Variants in PRRC2B observed in about 807,000 individuals in gnomAD.
The protein encoded by PRRC2B is protein PRRC2B.
PRRC2B carries 68 observed loss-of-function variants against 242.3 expected under a neutral mutation model. The observed-to-expected ratio is 0.28, with a 90% CI of 0.23 to 0.34. PRRC2B has a LOEUF of 0.34. Among genes scored for constraint, PRRC2B ranks in the 10% least tolerant of loss-of-function variants. The pLI is 1.00. For synonymous variants in PRRC2B, 1,228 were observed against 1,173.6 expected (o/e 1.05, Z -0.95); for missense variants, 2,835 against 2,954.8 (o/e 0.96, Z 0.94).
At chr9:131,481,876 C>A in intron 20 of PRRC2B, 68 bp downstream of exon 20, 1 of 1,414,786 alleles carries the variant, frequency 7.1e-7, no homozygotes, top group Non-Finnish European at 9.7e-7. Context: ...ACCATCCACA[C>A]GGCCAGCTTG....
At chr9:131,434,319 A>G (rs1290130372) in intron 3 of PRRC2B, among the ~76,000 whole-genome samples, 1 of 152,262 alleles carries the variant, frequency 6.6e-6, no homozygotes, top group East Asian at 1.9e-4. Flanking sequence ...AGAGAGGACA[A>G]AGCATTACTC....
Position 131,475,471 on chromosome 9 carries a change from G to A in PRRC2B, c.3342G>A (p.Glu1114=), listed in dbSNP as rs1224214105. 6.3e-7 allele frequency: 1 copy of A among 1,590,806 alleles called. No individual in the cohort carries two copies. The highest frequency in any genetic ancestry group is 8.6e-7 in the Non-Finnish European group (1 of 1,168,302). ...GCGGCCGTGGCCGGGGCCTGCGAGA[G>A]TTTGCGCGGCCAGAGGACTGCCCCA... ...QRSGRGRGLR[E]FARPEDCPRA... The change falls in exon 16 of 32, where the codon GAG becomes GAA. Residue 1114 remains glutamate, a synonymous_variant. Transcript: ENST00000683519.
intron 1 of PRRC2B, among the ~76,000 whole-genome samples, chr9:131,375,182 C>A (rs545069535): frequency 2.2e-4 from 34 of 152,288 alleles, no homozygotes; most frequent in Non-Finnish European, 4.4e-4. Context: ...GCGGGTGGAT[C>A]ACGACGTCAG....
Position 131,465,025 on chromosome 9 carries a change from C to T in PRRC2B, c.1667C>T (p.Ser556Phe). 6.2e-7 allele frequency: 1 copy of T among 1,613,978 alleles called. No homozygotes were observed. Among genetic ancestry groups the T allele is most frequent in the East Asian group, 2.2e-5 (1 of 44,880 alleles). The change falls in exon 12 of 32, where the codon TCT becomes TTT. Residue 556 changes from serine to phenylalanine, a missense_variant. By Grantham distance (155) the Ser-to-Phe change is radical. Around this residue, in one of 7 missense-constraint regions of PRRC2B, gnomAD observed 1,536 missense variants for 1,483.1 expected, o/e 1.04. Transcript: ENST00000683519. ...RKQAEKEVPWSPSAEKASPQE... is the reference protein window; with the variant it reads ...RKQAEKEVPWFPSAEKASPQE... ...CAGGCAGAGAAGGAAGTGCCCTGGT[C>T]TCCAAGTGCTGAGAAGGCATCTCCC...
chr9:131,433,329 G>C (rs1403390603), intron 3 of PRRC2B, among the ~76,000 whole-genome samples: 1 of 152,186 alleles, frequency 6.6e-6, no homozygotes, highest in Non-Finnish European at 1.5e-5. Flanking sequence ...AATCCTCCAG[G>C]ATCACTGTAC....
At chr9:131,425,255 G>C (rs1292471995) in intron 1 of PRRC2B, among the ~76,000 whole-genome samples, 1 of 152,090 alleles carries the variant, frequency 6.6e-6, no homozygotes, top group Non-Finnish European at 1.5e-5. Flanking sequence ...CAAAGTGCTG[G>C]GATTACAGGC....
intron 10 of PRRC2B, among the ~76,000 whole-genome samples, chr9:131,458,842 G>A (rs1381594013): frequency 1.3e-5 from 2 of 152,160 alleles, no homozygotes. Flanking sequence ...AATTTGTGTT[G>A]CGCTGCATCC....
intron 1 of PRRC2B, among the ~76,000 whole-genome samples, chr9:131,417,408 G>A (rs535403632): frequency 6.6e-6 from 1 of 152,118 alleles, no homozygotes; most frequent in African/African-American, 2.4e-5. Flanking sequence ...GGAGGGAAGG[G>A]GCCGTAGGTG....
chr9:131,482,816 A>C lies in PRRC2B; in HGVS notation c.5282A>C (p.Gln1761Pro). 6.2e-7 allele frequency: 1 copy of C among 1,609,718 alleles called. No homozygotes were observed. The highest frequency in any genetic ancestry group is 8.5e-7 in the Non-Finnish European group (1 of 1,178,010). ...RKGSEGAERL[Q>P]GAVVPPVNGV... is the part of the protein sequence containing the mutation. The stretch of plus-strand genomic sequence containing the variant: ...GGCTCGGAGGGGGCCGAGCGGCTGC[A>C]AGGGGCTGTCGTCCCGCCTGTTAAC... The change falls in exon 22 of 32, where the codon CAA becomes CCA. Residue 1761 changes from glutamine (Q) to proline (P), a missense_variant. By Grantham distance (76) the Gln-to-Pro change is moderately conservative. Transcript: ENST00000683519. The surrounding 1 kb of genome is among the most constrained non-coding windows in gnomAD (Gnocchi z 5.2).
chr9:131,470,076 C>G (rs1194557845), intron 13 of PRRC2B, among the ~76,000 whole-genome samples: 5 of 152,118 alleles, frequency 3.3e-5, no homozygotes, highest in African/African-American at 4.8e-5. Context: ...GGAAGAGGCG[C>G]TTACCTAGGG....
chr9:131,376,528 G>C (rs1391692006), intron 1 of PRRC2B, among the ~76,000 whole-genome samples: 3 of 152,092 alleles, frequency 2.0e-5, no homozygotes, highest in Admixed American at 6.6e-5. Flanking sequence ...CCAGCCCCCT[G>C]TGTAGTTAGA....
intron 31 of PRRC2B, 143 bp from the exon 32 acceptor site, chr9:131,495,597 A>T: frequency 1.1e-6 from 1 of 895,664 alleles, no homozygotes; most frequent in South Asian, 1.7e-5. Flanking sequence ...GGGGTTTCTA[A>T]GTCTGGTCCT....
chr9:131,454,837 T>C (rs374058064), intron 9 of PRRC2B, among the ~76,000 whole-genome samples: 177 of 152,198 alleles, frequency 1.2e-3, no homozygotes, highest in African/African-American at 4.0e-3. Flanking sequence ...GGTTTCACCA[T>C]GTTGGTCAGG....
intron 2 of PRRC2B, among the ~76,000 whole-genome samples, chr9:131,430,742 G>A (rs1327938202): frequency 6.6e-6 from 1 of 151,626 alleles, no homozygotes; most frequent in African/African-American, 2.4e-5. Context: ...ACAGATGTGT[G>A]CCACCACGCC....
upstream of PRRC2B, among the ~76,000 whole-genome samples, chr9:131,393,941 C>G (rs1161994773): frequency 2.7e-5 from 4 of 150,916 alleles, no homozygotes; most frequent in African/African-American, 9.7e-5. Context: ...GCCCCCGGGC[C>G]GATCCCAAGG....
In PRRC2B at chr9:131,487,551, C is replaced by T. The variant is rs923936199; in HGVS notation, c.5984+257C>T. Among the ~76,000 whole-genome samples the T allele has an allele frequency of 6.6e-6, 1 of 152,216 alleles. No homozygotes were observed. Among genetic ancestry groups the T allele is most frequent in the Admixed American group, 6.5e-5 (1 of 15,276 alleles). Reference sequence around the variant, plus strand: ...TGCCTCCTTTCCTTGCTCCTTCCTCCTCCTCTCCCCTTGACTCCCTGTCTC... The same window carrying T: ...TGCCTCCTTTCCTTGCTCCTTCCTCTTCCTCTCCCCTTGACTCCCTGTCTC... On this transcript the variant is annotated intron_variant, in intron 27 of 31. Transcript: ENST00000683519. This position sits in a 1 kb window ranked among gnomAD's most constrained non-coding sequence, Gnocchi z 5.3.
intron 1 of PRRC2B, among the ~76,000 whole-genome samples, chr9:131,403,634 C>T (rs188347258): frequency 2.2e-4 from 32 of 142,948 alleles, no homozygotes; most frequent in African/African-American, 7.6e-4. Flanking sequence ...GAATTACAGG[C>T]GTGAGCCACT....
upstream of PRRC2B, among the ~76,000 whole-genome samples, chr9:131,389,509 G>C (rs1373765860): frequency 1.3e-5 from 2 of 150,612 alleles, 1 homozygote; most frequent in Non-Finnish European, 3.0e-5. Context: ...TTAAGTGCAG[G>C]TATTCAAAAC....
intron 9 of PRRC2B, among the ~76,000 whole-genome samples, chr9:131,448,464 A>G (rs1838878463): frequency 6.8e-6 from 1 of 146,032 alleles, no homozygotes; most frequent in South Asian, 2.3e-4. Flanking sequence ...GAATCACTTG[A>G]ACCTGGGAAG....
Sources: allele counts gnomAD v4.1 joint callset (sites outside exome capture counted in the v4.1 genomes callset), GRCh38; gene constraint gnomAD v4.1.1; regional missense constraint gnomAD v4.1.1; non-coding constraint Gnocchi (gnomAD v3.1); transcripts MANE v1.5; gene names NCBI Gene and HGNC (gene_info 2026-07-23, HGNC 2026-07-21).